Variants in CSMD1 observed in about 807,000 individuals in gnomAD.
CSMD1 encodes CUB and Sushi multiple domains 1, also known as CUB and sushi domain-containing protein 1.
CSMD1 carries 213 observed loss-of-function variants against 417.5 expected under a neutral mutation model. The observed-to-expected ratio is 0.51, with a 90% confidence interval of 0.46 to 0.57. CSMD1 has a LOEUF of 0.57. Among genes scored for constraint, CSMD1 ranks in the 20% least tolerant of loss-of-function variants. The pLI is 0.00. For synonymous variants in CSMD1, 2,862 were observed against 1,736.8 expected (o/e 1.65, Z -16.11); for missense variants, 6,923 against 4,529.7 (o/e 1.53, Z -15.17).
chr8:3,811,351 T>C (rs1801063789), intron 5 of CSMD1, among the ~76,000 whole-genome samples: 1 of 152,186 alleles, frequency 6.6e-6, no homozygotes, highest in African/African-American at 2.4e-5. Context: ...ATTATGGTTT[T>C]AAACTTCAGC....
At chr8:4,128,825 G>C (rs1053232860) in intron 3 of CSMD1, among the ~76,000 whole-genome samples, 2 of 151,958 alleles carry the variant, frequency 1.3e-5, no homozygotes, top group South Asian at 2.1e-4. Context: ...GGTAAGTTTC[G>C]GGATTCATGT....
At chr8:4,764,752 A>G (rs1187347745) in intron 1 of CSMD1, among the ~76,000 whole-genome samples, 3 of 150,876 alleles carry the variant, frequency 2.0e-5, no homozygotes, top group East Asian at 1.9e-4. Flanking sequence ...GGCTGCCTGT[A>G]GTCCCAGCTA....
chr8:2,983,724 T>G (rs1180394295), intron 54 of CSMD1, among the ~76,000 whole-genome samples: 1 of 152,192 alleles, frequency 6.6e-6, no homozygotes, highest in African/African-American at 2.4e-5. Context: ...TTAAAGAAAG[T>G]ATAAGCAACT....
chr8:3,177,860 A>G (rs924879764), intron 37 of CSMD1, among the ~76,000 whole-genome samples: 3 of 149,224 alleles, frequency 2.0e-5, no homozygotes, highest in Non-Finnish European at 4.4e-5. Context: ...CACCGTTCAC[A>G]CAGTTGCACT....
Position 3,230,301 on chromosome 8 carries a change from G to T in CSMD1, c.4154-70C>A, listed in dbSNP as rs1798758931. 1.1e-5 allele frequency: 14 copies of T among 1,272,324 alleles called. 1 individual carries two copies. Among genetic ancestry groups the T allele is most frequent in the South Asian group, 3.3e-5 (2 of 61,058 alleles). 78.8% of individuals were successfully genotyped at this position (1,272,324 alleles called of 1,614,324 possible). ...TTTCCACATTCTTGTCGGTGTGGTT[G>T]TTCTTGTGGGTTGAAGCACTCTTCA... On this transcript the variant is annotated intron_variant, in intron 26 of 69. Coordinates refer to ENST00000635120, the MANE Select transcript of CSMD1 (RefSeq NM_033225.6).
intron 46 of CSMD1, among the ~76,000 whole-genome samples, chr8:3,100,938 T>C (rs766487879): frequency 2.0e-5 from 3 of 152,116 alleles, no homozygotes; most frequent in South Asian, 2.1e-4. Context: ...CCAGCACATA[T>C]AGAAGGAAGC....
chr8:3,657,134 C>T (rs976657471), intron 7 of CSMD1, among the ~76,000 whole-genome samples: 1 of 152,058 alleles, frequency 6.6e-6, no homozygotes, highest in Non-Finnish European at 1.5e-5. Flanking sequence ...CATCATCTGT[C>T]CCTAGCATTT....
intron 5 of CSMD1, among the ~76,000 whole-genome samples, chr8:3,838,415 G>GAC (rs1802846806): frequency 6.7e-6 from 1 of 149,568 alleles, no homozygotes; most frequent in Non-Finnish European, 1.5e-5. Context: ...TATAGAGAGA[G>GAC]ACTATATATA....
intron 3 of CSMD1, among the ~76,000 whole-genome samples, chr8:4,201,732 C>G (rs1343793710): frequency 6.6e-6 from 1 of 151,730 alleles, no homozygotes; most frequent in South Asian, 2.1e-4. Context: ...GTTTGAAAAA[C>G]ATGATGATTG....
intron 1 of CSMD1, among the ~76,000 whole-genome samples, chr8:4,921,773 G>C (rs938228138): frequency 6.6e-6 from 1 of 152,038 alleles, no homozygotes; most frequent in Non-Finnish European, 1.5e-5. Flanking sequence ...TTCTCCACCA[G>C]CCATTTTTTT....
intron 12 of CSMD1, among the ~76,000 whole-genome samples, chr8:3,448,389 A>AG (rs1294882293): frequency 7.5e-4 from 8 of 10,694 alleles, no homozygotes; most frequent in African/African-American, 4.0e-3. Context: ...GGGAGGAGGG[A>AG]GGAGGAAGGG....
Position 3,426,066 on chromosome 8 carries a change from G to C in CSMD1, c.1562-16461C>G, listed in dbSNP as rs1471651069. 5.3e-5 allele frequency among the ~76,000 whole-genome samples: 8 copies of C among 152,186 alleles called. No individual in the cohort carries two copies. In the South Asian group the frequency reaches 1.7e-3, roughly 31 times the overall value. On this transcript the variant is annotated intron_variant, in intron 12 of 69. Coordinates refer to ENST00000635120, the MANE Select transcript of CSMD1 (RefSeq NM_033225.6). The stretch of plus-strand genomic sequence containing the variant: ...AATCTGAAAATATTCTTGATAATCT[G>C]TGAAAATGTAAAAAAGCAGAACAGA...
chr8:3,907,401 C>A (rs1011141657), intron 5 of CSMD1, among the ~76,000 whole-genome samples: 3 of 152,030 alleles, frequency 2.0e-5, no homozygotes, highest in African/African-American at 7.2e-5. Flanking sequence ...TAATTTAGGT[C>A]TTTTATTATG....
At chr8:3,422,294 G>C (rs1254379396) in intron 12 of CSMD1, among the ~76,000 whole-genome samples, 6 of 152,128 alleles carry the variant, frequency 3.9e-5, no homozygotes, top group Non-Finnish European at 5.9e-5. Context: ...CCTGATCAAT[G>C]CTCAGCCAAT....
intron 2 of CSMD1, among the ~76,000 whole-genome samples, chr8:4,625,163 T>A (rs1802023923): frequency 2.0e-5 from 3 of 151,896 alleles, no homozygotes; most frequent in Admixed American, 2.0e-4. Flanking sequence ...AGGACGGGAA[T>A]CTCGTACGGG....
chr8:4,108,660 C>G (rs764079700), intron 3 of CSMD1, among the ~76,000 whole-genome samples: 17 of 152,278 alleles, frequency 1.1e-4, no homozygotes, highest in Admixed American at 2.0e-4. Context: ...CTGACACTTT[C>G]GACAAATTAT....
At chr8:2,975,991 T>C (rs1317901332) in intron 55 of CSMD1, among the ~76,000 whole-genome samples, 4 of 152,086 alleles carry the variant, frequency 2.6e-5, no homozygotes, top group African/African-American at 4.8e-5. Flanking sequence ...AAAACAAAAC[T>C]AAACCAATTT....
intron 3 of CSMD1, among the ~76,000 whole-genome samples, chr8:4,390,903 T>A (rs141987115): frequency 2.6e-5 from 4 of 152,166 alleles, no homozygotes; most frequent in African/African-American, 9.7e-5. Flanking sequence ...TCCCCCAAAA[T>A]GTAGAAAGGT....
chr8:3,624,343 C>T (rs1294637692), intron 7 of CSMD1, among the ~76,000 whole-genome samples: 3 of 152,128 alleles, frequency 2.0e-5, no homozygotes, highest in East Asian at 3.9e-4. Flanking sequence ...ACAAGAGCCA[C>T]AGATTGGCTT....
Sources: gnomAD v4.1 joint callset for allele counts (sites outside exome capture counted in the v4.1 genomes callset) on GRCh38, gnomAD v4.1.1 for gene constraint, MANE v1.5 for transcripts, NCBI Gene and HGNC (gene_info 2026-07-23, HGNC 2026-07-21) for gene names.